ENPP7: variants seen among roughly 807,000 people sequenced by gnomAD.
ENPP7 encodes the protein ectonucleotide pyrophosphatase/phosphodiesterase 7, also known as ectonucleotide pyrophosphatase/phosphodiesterase family member 7.
Under a neutral mutation model 33.6 loss-of-function variants are expected in ENPP7, and 39 were observed. The observed-to-expected ratio is 1.16, with a 90% CI of 0.90 to 1.52. The LOEUF is 1.52. ENPP7 is among the 40% of genes most tolerant of loss of function. ENPP7 has a pLI of 0.00. For synonymous variants in ENPP7, 244 were observed against 274.3 expected (o/e 0.89, Z 1.09); for missense variants, 594 against 641.0 (o/e 0.93, Z 0.79).
intron 2 of ENPP7, among the ~76,000 whole-genome samples, 167 bp from the exon 3 acceptor site, chr17:79,734,876 G>A (rs2094292269): frequency 6.6e-6 from 1 of 152,192 alleles, no homozygotes; most frequent in East Asian, 1.9e-4. Flanking sequence ...CATAGAACAT[G>A]AGATCAGGGA....
At chr17:79,732,149 T>TATATATATATATATATATACAC (rs1171801654) in intron 1 of ENPP7, among the ~76,000 whole-genome samples, 60 of 34,128 alleles carry the variant, frequency 1.8e-3, no homozygotes, top group African/African-American at 5.8e-3. Context: ...TATATATATA[T>TATATATATATATATATATACAC]ACACACACAT....
chr17:79,731,906 T>A (rs573641095), intron 1 of ENPP7, among the ~76,000 whole-genome samples: 2 of 152,066 alleles, frequency 1.3e-5, no homozygotes, highest in East Asian at 3.9e-4. Flanking sequence ...GAGACCTGCC[T>A]GGCCAACATG....
At chr17:79,733,716 C>T in intron 2 of ENPP7, 63 bp downstream of exon 2, 2 of 1,502,014 alleles carry the variant, frequency 1.3e-6, no homozygotes, top group Non-Finnish European at 1.8e-6. Context: ...CCAGGTGAGG[C>T]TTGGAACCAT....
Position 79,735,356 on chromosome 17 carries a change from G to A in ENPP7, c.713G>A (p.Arg238His), listed in dbSNP as rs1448778121. The change falls in exon 3 of 6, where the codon CGC becomes CAC. Residue 238 changes from arginine to histidine, a missense_variant. Coordinates refer to ENST00000328313, the MANE Select transcript of ENPP7 (RefSeq NM_178543.5). The surrounding 1 kb of genome is among the most constrained non-coding windows in gnomAD (Gnocchi z 5.5). ...ATCGCGCGCAACCACCTCACAGACCGCCTCAACCTGATCATCACATCCGAC... is the reference window on the plus strand; with the variant it reads ...ATCGCGCGCAACCACCTCACAGACCACCTCAACCTGATCATCACATCCGAC... ...ESIARNHLTD[R>H]LNLIITSDHG... 2.5e-5 allele frequency: 41 copies of A among 1,613,712 alleles called. No homozygotes were observed. Among genetic ancestry groups the A allele is most frequent in the Middle Eastern group, 1.6e-4 (1 of 6,084 alleles).
At chr17:79,732,394 C>G (rs2094288231) in intron 1 of ENPP7, among the ~76,000 whole-genome samples, 1 of 152,058 alleles carries the variant, frequency 6.6e-6, no homozygotes, top group South Asian at 2.1e-4. Context: ...CTGCGTCATC[C>G]TCCAAAGACC....
chr17:79,732,149 TACACACAC>T (rs67146650), intron 1 of ENPP7, among the ~76,000 whole-genome samples: 10 of 34,114 alleles, frequency 2.9e-4, no homozygotes, highest in East Asian at 2.5e-3. Context: ...TATATATATA[TACACACAC>T]ATATATATAT....
rs1555823300 is a variant in ENPP7, at chr17:79,735,282, G to A, written c.639G>A (p.Arg213=). The A allele has an allele frequency of 2.5e-6, 4 of 1,613,524 alleles. No homozygotes were observed. In the Admixed American group the frequency reaches 5.0e-5, roughly 20 times the overall value. Residue 213 remains arginine, a synonymous_variant, in exon 3 of 6, where the codon AGG becomes AGA. Transcript: ENST00000328313. The surrounding 1 kb of genome is among the most constrained non-coding windows in gnomAD (Gnocchi z 5.5). ...ACGGCCCCGAGTCCCCGGAGAGGAG[G>A]GAGATGGTGCGGCAGGTGGACCGGA... The part of the protein sequence containing the change: ...HRYGPESPER[R]EMVRQVDRTV...
At chr17:79,734,918 G>A in intron 2 of ENPP7, 125 bp from the exon 3 acceptor site, 1 of 980,752 alleles carries the variant, frequency 1.0e-6, no homozygotes, top group Non-Finnish European at 1.5e-6. Context: ...CGCAGCTGCA[G>A]CTAGGAGCAG....
Position 79,741,839 on chromosome 17 carries a change from T to C in ENPP7, c.*62T>C, listed in dbSNP as rs1905547309. On this transcript the variant is annotated 3_prime_UTR_variant, in exon 6 of 6. Coordinates refer to ENST00000328313, the MANE Select transcript of ENPP7 (RefSeq NM_178543.5). ...GCAGGCCCTGGGCCGGCTGTCTCGCTGCGATGCTCTGCTGGTCGCGGACGG... is the reference window on the plus strand; with the variant it reads ...GCAGGCCCTGGGCCGGCTGTCTCGCCGCGATGCTCTGCTGGTCGCGGACGG... 1.0e-6 allele frequency: 1 copy of C among 985,842 alleles called. No individual in the cohort carries two copies. Among genetic ancestry groups the C allele is most frequent in the Non-Finnish European group, 1.2e-6 (1 of 830,286 alleles). 61.1% of individuals were successfully genotyped at this position (985,842 alleles called of 1,614,324 possible). A position where few individuals can be genotyped will look rare whatever the true frequency, so the allele number is the denominator to read the frequency against.
At chr17:79,734,770 G>A (rs1332000487) in intron 2 of ENPP7, among the ~76,000 whole-genome samples, 1 of 152,150 alleles carries the variant, frequency 6.6e-6, no homozygotes, top group African/African-American at 2.4e-5. Flanking sequence ...GACCCACTGC[G>A]CCCGGCCTCT....
chr17:79,731,516 G>C (rs1245630194), intron 1 of ENPP7, 124 bp downstream of exon 1: 9 of 1,214,846 alleles, frequency 7.4e-6, no homozygotes, highest in Non-Finnish European at 1.0e-5. Flanking sequence ...GAGCCAAGGG[G>C]ACCATTAGGA....
At position 79,738,117 on chromosome 17, in the gene ENPP7, CACCCT is replaced by C. The variant is rs1418299385; in HGVS notation, c.*16+56_*16+60del. 1.9e-5 allele frequency: 29 copies of C among 1,559,998 alleles called. No homozygotes were observed. The highest frequency in any genetic ancestry group is 3.4e-5 in the Admixed American group (2 of 59,424). ...GGTGGCCCCACGCTCCCTGACCCTC[CACCCT>C]GATGTCCCAGCTACAGTCCTAGGCA... On this transcript the variant is annotated intron_variant, in intron 5 of 5. Transcript: ENST00000328313. This position sits in a 1 kb window ranked among gnomAD's most constrained non-coding sequence, Gnocchi z 6.2.
At position 79,737,311 on chromosome 17, in the gene ENPP7, GCACAC is replaced by G; in HGVS notation, c.1246+52_1246+56del. ...CGCCTGCTCTGGTGTGTACACGTGT[GCACAC>G]GAGGGTGCCTGCATGCCTGTGACCA... On this transcript the variant is annotated intron_variant, in intron 4 of 5. Coordinates refer to ENST00000328313, the MANE Select transcript of ENPP7 (RefSeq NM_178543.5). This position sits in a 1 kb window ranked among gnomAD's most constrained non-coding sequence, Gnocchi z 5.5. 4 of 1,423,428 alleles carry G rather than the reference GCACAC, an allele frequency of 2.8e-6. No homozygotes were observed. The South Asian group carries it at 4.9e-5, about 17-fold the overall frequency. The allele number at this position is 1,423,428 out of a possible 1,614,324, so 88.2% of individuals were successfully genotyped here. A position where few individuals can be genotyped will look rare whatever the true frequency, so the allele number is the denominator to read the frequency against.
rs113374830 is a variant in ENPP7 at position 79,731,919 on chromosome 17, G to A, written c.253+527G>A. 4.3e-3 allele frequency among the ~76,000 whole-genome samples: 647 copies of A among 151,954 alleles called. 1 individual carries two copies. The highest frequency in any genetic ancestry group is 7.4e-3 in the Non-Finnish European group (505 of 67,966). Reference sequence around the variant, plus strand: ...TCGAGACCTGCCTGGCCAACATGGCGAAACCCCATCTCTACTAAAAATACA... The same window carrying A: ...TCGAGACCTGCCTGGCCAACATGGCAAAACCCCATCTCTACTAAAAATACA... On this transcript the variant is annotated intron_variant, in intron 1 of 5. Transcript: ENST00000328313.
Position 79,735,534 on chromosome 17 carries a change from C to G in ENPP7, c.891C>G (p.Tyr297Ter). 1 of 1,613,914 alleles carries G rather than the reference C, an allele frequency of 6.2e-7. No homozygotes were observed. Among genetic ancestry groups the G allele is most frequent in the African/African-American group, 1.3e-5 (1 of 75,014 alleles). ...LPKEGRLEKVYDALKDAHPKL... is the reference protein window; with the variant it reads ...LPKEGRLEKV ...AAGAAGGGAGGCTGGAGAAGGTGTA[C>G]GATGCCCTCAAGGACGCCCACCCCA... is the stretch of plus-strand genomic sequence containing the variant. The change falls in exon 3 of 6, where the codon TAC becomes TAG. Residue 297 changes from tyrosine to a stop codon, truncating the protein, a stop_gained. Transcript: ENST00000328313. LOFTEE classifies it high-confidence loss of function. The surrounding 1 kb of genome is among the most constrained non-coding windows in gnomAD (Gnocchi z 5.5).
chr17:79,734,347 G>A (rs782212986), intron 2 of ENPP7, among the ~76,000 whole-genome samples: 3 of 152,152 alleles, frequency 2.0e-5, no homozygotes, highest in African/African-American at 4.8e-5. Context: ...TCCTTCCACC[G>A]GCTGGTGAGC....
At position 79,739,207 on chromosome 17, in the gene ENPP7, G is replaced by A. The variant is rs2094301350; in HGVS notation, c.*16+1145G>A. ...GCGGTGGGACAGGTTCGGCGTGTTTGGGATGAGACAGAAGGCCAGTGTGCC... is the reference window on the plus strand; with the variant it reads ...GCGGTGGGACAGGTTCGGCGTGTTTAGGATGAGACAGAAGGCCAGTGTGCC... On this transcript the variant is annotated intron_variant, in intron 5 of 5. Coordinates refer to ENST00000328313, the MANE Select transcript of ENPP7 (RefSeq NM_178543.5). The surrounding 1 kb of genome is among the most constrained non-coding windows in gnomAD (Gnocchi z 4.4). 1 of 146,982 alleles carries A rather than the reference G, an allele frequency of 6.8e-6. No homozygotes were observed. Among genetic ancestry groups the A allele is most frequent in the African/African-American group, 2.4e-5 (1 of 41,014 alleles). The allele number at this position is 146,982 out of a possible 1,614,324, so 9.1% of individuals were successfully genotyped here. A position where few individuals can be genotyped will look rare whatever the true frequency, so the allele number is the denominator to read the frequency against.
Position 79,735,311 on chromosome 17 carries a change from T to C in ENPP7, c.668T>C (p.Val223Ala). The change falls in exon 3 of 6, where the codon GTG becomes GCG. Residue 223 changes from valine to alanine, a missense_variant. Val to Ala is a moderately conservative substitution (Grantham distance 64). Around this residue, in one of 3 missense-constraint regions of ENPP7, gnomAD observed 504 missense variants for 512.8 expected, o/e 0.98. Coordinates refer to ENST00000328313, the MANE Select transcript of ENPP7 (RefSeq NM_178543.5). This position sits in a 1 kb window ranked among gnomAD's most constrained non-coding sequence, Gnocchi z 5.5. The part of the protein sequence containing the change: ...REMVRQVDRT[V>A]GYLRESIARN... ...ATGGTGCGGCAGGTGGACCGGACCG[T>C]GGGCTACCTCCGGGAGAGCATCGCG... is the stretch of plus-strand genomic sequence containing the variant. The C allele has an allele frequency of 6.2e-7, 1 of 1,613,260 alleles. No homozygotes were observed. Among genetic ancestry groups the C allele is most frequent in the Non-Finnish European group, 8.5e-7 (1 of 1,180,002 alleles).
At chr17:79,732,154 A>C (rs1555822692) in intron 1 of ENPP7, among the ~76,000 whole-genome samples, 2 of 106,266 alleles carry the variant, frequency 1.9e-5, no homozygotes, top group Non-Finnish European at 4.1e-5. Context: ...ATATATACAC[A>C]CACATATATA....
Sources: gnomAD v4.1 joint callset for allele counts (sites outside exome capture counted in the v4.1 genomes callset) on GRCh38, gnomAD v4.1.1 for gene constraint, gnomAD v4.1.1 regional missense constraint, Gnocchi (gnomAD v3.1) non-coding constraint, MANE v1.5 for transcripts, NCBI Gene and HGNC (gene_info 2026-07-23, HGNC 2026-07-21) for gene names.